ZNF232: variants seen among roughly 807,000 people sequenced by gnomAD.
ZNF232 encodes the protein zinc finger protein 232, also known as zinc finger and SCAN domain-containing protein 11.
In ZNF232, 25 loss-of-function variants were observed where a neutral mutation model predicts 25.2. That is an observed-to-expected ratio of 0.99 (90% CI 0.72 to 1.39). The LOEUF (loss-of-function observed/expected upper bound fraction) is 1.39. Ranked by LOEUF, ZNF232 falls within the 40% of genes most tolerant of loss-of-function variation. The probability of loss-of-function intolerance (pLI) is 0.00; values close to 1 mark genes in which losing one functional copy is unlikely to be tolerated. For missense variants in ZNF232, 519 were observed against 520.9 expected (o/e 1.00, Z 0.04); for synonymous variants, 193 against 182.9 (o/e 1.06, Z -0.45).
upstream of ZNF232, among the ~76,000 whole-genome samples, chr17:5,112,864 C>T (rs151017548): frequency 0.024 from 3,604 of 151,860 alleles, 48 homozygotes; most frequent in Non-Finnish European, 0.039. Flanking sequence ...ACTCAGGAGG[C>T]AGGAGAATCG....
upstream of ZNF232, chr17:5,116,341 C>CACCACTCCCGGCCCCGCT (rs2072538889): frequency 6.5e-6 from 1 of 152,776 alleles, no homozygotes. Flanking sequence ...CTCCCGGCTT[C>CACCACTCCCGGCCCCGCT]CCGGGGCTTA....
intron 3 of ZNF232, among the ~76,000 whole-genome samples, chr17:5,107,860 C>A (rs2072299364): frequency 6.6e-6 from 1 of 151,780 alleles, no homozygotes; most frequent in South Asian, 2.1e-4. Flanking sequence ...TTTAAAAATT[C>A]ATTTTTTCAG....
chr17:5,108,960 G>C, exon 3 of ZNF232: 1 of 1,614,086 alleles, frequency 6.2e-7, no homozygotes, highest in Non-Finnish European at 8.5e-7. Flanking sequence ...CCTTAGGCTG[G>C]AGCTGGATGC....
At chr17:5,117,747 G>A (rs959517731) in intron 1 of ZNF232, among the ~76,000 whole-genome samples, 13 of 152,058 alleles carry the variant, frequency 8.5e-5, no homozygotes, top group Non-Finnish European at 1.5e-4. Context: ...AGGAGGCTGC[G>A]ATAATAGTAC....
intron 1 of ZNF232, among the ~76,000 whole-genome samples, chr17:5,120,203 A>G (rs748351091): frequency 7.2e-5 from 11 of 152,140 alleles, no homozygotes; most frequent in Non-Finnish European, 1.6e-4. Context: ...AACATTTGCT[A>G]ATGGGGCCTG....
upstream of ZNF232, chr17:5,112,131 C>T (rs1038439449): frequency 1.7e-4 from 81 of 489,850 alleles, no homozygotes; most frequent in African/African-American, 1.4e-3. Context: ...AAGCGGGTGA[C>T]TTCATCAAGT....
At chr17:5,116,082 A>T (rs368248757), upstream of ZNF232, among the ~76,000 whole-genome samples, 158 of 152,268 alleles carry the variant, frequency 1.0e-3, 1 homozygote, top group African/African-American at 3.4e-3. Flanking sequence ...CCAGCTCCAA[A>T]TGCGTGGCCG....
exon 4 of ZNF232, chr17:5,106,072 C>G (rs1021922055): frequency 1.9e-6 from 3 of 1,614,102 alleles, no homozygotes; most frequent in Non-Finnish European, 2.5e-6. Flanking sequence ...TTCCCACATT[C>G]ATTACATTCG....
At chr17:5,122,617 C>T (rs1272771638) in intron 1 of ZNF232, among the ~76,000 whole-genome samples, 2 of 152,196 alleles carry the variant, frequency 1.3e-5, no homozygotes, top group East Asian at 3.8e-4. Context: ...CGCTGCGGGG[C>T]CCTCCCGGAA....
exon 2 of ZNF232, chr17:5,109,440 A>G: frequency 6.2e-7 from 1 of 1,613,984 alleles, no homozygotes; most frequent in Non-Finnish European, 8.5e-7. Flanking sequence ...CAGCACAGTC[A>G]CAGCCTCCTC....
At chr17:5,111,895 G>A, upstream of ZNF232, 15 of 1,595,180 alleles carry the variant, frequency 9.4e-6, no homozygotes, top group South Asian at 1.6e-4. Context: ...GCAGGTCGCA[G>A]CCTCGGCCTC....
chr17:5,122,634 G>T (rs374888399), intron 1 of ZNF232, among the ~76,000 whole-genome samples: 1 of 152,190 alleles, frequency 6.6e-6, no homozygotes, highest in Non-Finnish European at 1.5e-5. Context: ...GGAACGGCCG[G>T]CTGCAACGCG....
intron 1 of ZNF232, among the ~76,000 whole-genome samples, chr17:5,121,069 A>G (rs2072647415): frequency 1.3e-5 from 2 of 152,202 alleles, no homozygotes; most frequent in Non-Finnish European, 2.9e-5. Context: ...TTGAGTACAT[A>G]CGCATACCCT....
At chr17:5,120,291 G>A (rs749428390) in intron 1 of ZNF232, among the ~76,000 whole-genome samples, 4 of 152,128 alleles carry the variant, frequency 2.6e-5, no homozygotes, top group Non-Finnish European at 5.9e-5. Context: ...GCAGTGGTGG[G>A]GGCAAGGTCA....
chr17:5,108,849 C>A, intron 3 of ZNF232, 77 bp downstream of exon 3: 1 of 1,600,854 alleles, frequency 6.2e-7, no homozygotes, highest in Non-Finnish European at 8.5e-7. Context: ...TACTATTTAC[C>A]CTTTACAGGT....
At chr17:5,112,167 C>T, upstream of ZNF232, 1 of 398,874 alleles carries the variant, frequency 2.5e-6, no homozygotes, top group South Asian at 4.3e-5. Flanking sequence ...TGGAATTGTA[C>T]CTGAAGGGCG....
chr17:5,115,258 CAAGG>C (rs2072502428), upstream of ZNF232, among the ~76,000 whole-genome samples: 1 of 151,952 alleles, frequency 6.6e-6, no homozygotes, highest in Non-Finnish European at 1.5e-5. Context: ...TATTTCGAAA[CAAGG>C]AACAGAGGGC....
chr17:5,112,453 AT>A (rs2072439877), upstream of ZNF232: 1 of 151,686 alleles, frequency 6.6e-6, no homozygotes, highest in African/African-American at 2.4e-5. Flanking sequence ...GTTATTTTTT[AT>A]TTTATTTATT....
upstream of ZNF232, chr17:5,112,056 C>A: frequency 1.6e-6 from 1 of 609,314 alleles, no homozygotes. Flanking sequence ...TGGACTGGAG[C>A]GGCCGGGTGC....
Sources: gnomAD v4.1 joint callset for allele counts (sites outside exome capture counted in the v4.1 genomes callset) on GRCh38, gnomAD v4.1.1 for gene constraint, MANE v1.5 for transcripts, NCBI Gene and HGNC (gene_info 2026-07-23, HGNC 2026-07-21) for gene names.